Variants in F13A1 observed in about 807,000 individuals in gnomAD.
F13A1 encodes FSF, A subunit.
A neutral mutation model predicts 80.1 loss-of-function variants in F13A1; 47 were observed. The observed-to-expected ratio is 0.59, with a 90% CI of 0.46 to 0.75. The LOEUF (loss-of-function observed/expected upper bound fraction) is 0.75. F13A1 is among the 30% of genes least tolerant of loss of function. The probability of loss-of-function intolerance (pLI) is 0.00; values close to 1 mark genes in which losing one functional copy is unlikely to be tolerated. For missense variants in F13A1, 817 were observed against 930.4 expected, an observed-to-expected ratio of 0.88 and a Z score of 1.59; for synonymous variants, 349 against 344.9, an observed-to-expected ratio of 1.01 and a Z score of -0.13.
chr6:6,284,421 T>A (rs1203963907), intron 3 of F13A1, among the ~76,000 whole-genome samples: 1 of 152,226 alleles, frequency 6.6e-6, no homozygotes, highest in Non-Finnish European at 1.5e-5. Flanking sequence ...CTCCACTACT[T>A]CATTTCCGTC....
At chr6:6,263,731 T>C (rs1188078378) in intron 4 of F13A1, among the ~76,000 whole-genome samples, 2 of 152,232 alleles carry the variant, frequency 1.3e-5, no homozygotes, top group Admixed American at 1.3e-4. Flanking sequence ...CCCACAGTTT[T>C]CCCAGCTCTG....
chr6:6,197,395 G>T, intron 8 of F13A1, 69 bp from the exon 9 acceptor site: 2 of 1,471,796 alleles, frequency 1.4e-6, no homozygotes, highest in Non-Finnish European at 1.9e-6. Context: ...ATCAAGAAGT[G>T]ACGGCCAGGC....
intron 6 of F13A1, among the ~76,000 whole-genome samples, chr6:6,245,690 C>T (rs1332442856): frequency 6.6e-6 from 1 of 152,156 alleles, no homozygotes; most frequent in African/African-American, 2.4e-5. Flanking sequence ...GTCGTGTGCT[C>T]TGCATCTTGT....
At chr6:6,249,587 C>A (rs3024386) in intron 5 of F13A1, among the ~76,000 whole-genome samples, 112 of 152,274 alleles carry the variant, frequency 7.4e-4, no homozygotes, top group African/African-American at 2.6e-3. Context: ...GCGAAGAGTG[C>A]CCTGACTGGG....
intron 12 of F13A1, among the ~76,000 whole-genome samples, chr6:6,174,070 C>T (rs2151074798): frequency 6.6e-6 from 1 of 152,298 alleles, no homozygotes; most frequent in South Asian, 2.1e-4. Context: ...ATGTTCACTT[C>T]TGTGCATGAG....
At chr6:6,296,817 CT>C (rs1350988475) in intron 3 of F13A1, among the ~76,000 whole-genome samples, 6 of 147,450 alleles carry the variant, frequency 4.1e-5, no homozygotes, top group African/African-American at 1.3e-4. Context: ...GCATCCCTGT[CT>C]TGTGCCAGTT....
intron 10 of F13A1, among the ~76,000 whole-genome samples, chr6:6,190,330 CTG>C: frequency 2.6e-5 from 4 of 152,348 alleles, no homozygotes; most frequent in Admixed American, 2.6e-4. Context: ...TTTTTCTGCT[CTG>C]TTTTTTCCCC....
chr6:6,297,305 T>C (rs1758345257), intron 3 of F13A1, among the ~76,000 whole-genome samples: 1 of 152,188 alleles, frequency 6.6e-6, no homozygotes, highest in South Asian at 2.1e-4. Context: ...TTGATTGGAA[T>C]AGTTTCAGAA....
Position 6,156,783 on chromosome 6 carries a change from T to C in F13A1, c.1909-4834A>G, listed in dbSNP as rs558461497. Among the ~76,000 whole-genome samples the C allele has an allele frequency of 1.5e-3, 236 of 152,336 alleles. 1 individual carries two copies. The highest frequency in any genetic ancestry group is 5.3e-3 in the African/African-American group (222 of 41,562). On this transcript the variant is annotated intron_variant, in intron 13 of 14. Transcript: ENST00000264870. ...CTAGGGCTATTTATAATTAAATTAATTAAAATTAAGTGAAATGTAAAAAAT... is the reference window on the plus strand; with the variant it reads ...CTAGGGCTATTTATAATTAAATTAACTAAAATTAAGTGAAATGTAAAAAAT...
At chr6:6,215,755 C>T (rs9504713) in intron 8 of F13A1, among the ~76,000 whole-genome samples, 188 of 116,932 alleles carry the variant, frequency 1.6e-3, no homozygotes, top group African/African-American at 3.1e-3. Context: ...TGTTTGCAGA[C>T]GACATGATTG....
chr6:6,184,668 T>G (rs1761045645), intron 10 of F13A1, among the ~76,000 whole-genome samples: 1 of 152,186 alleles, frequency 6.6e-6, no homozygotes, highest in Non-Finnish European at 1.5e-5. Context: ...GATAAATAAC[T>G]TCTTAATAAC....
At chr6:6,196,407 A>G (rs1761291784) in intron 9 of F13A1, among the ~76,000 whole-genome samples, 1 of 152,222 alleles carries the variant, frequency 6.6e-6, no homozygotes, top group East Asian at 1.9e-4. Context: ...TTTAAATTTT[A>G]ACCACCTATC....
At chr6:6,197,938 G>C (rs3024431) in intron 8 of F13A1, among the ~76,000 whole-genome samples, 101 of 85,422 alleles carry the variant, frequency 1.2e-3, no homozygotes, top group African/African-American at 7.5e-3. Context: ...ATTTTCTGCT[G>C]ACTAACGAAA....
chr6:6,256,517 C>A (rs1280492448), intron 4 of F13A1, among the ~76,000 whole-genome samples: 1 of 152,120 alleles, frequency 6.6e-6, no homozygotes, highest in Non-Finnish European at 1.5e-5. Context: ...AATAACCACC[C>A]TTGCAGGCTG....
chr6:6,279,388 A>G (rs1362806818), intron 3 of F13A1, among the ~76,000 whole-genome samples: 26 of 152,186 alleles, frequency 1.7e-4, no homozygotes, highest in Admixed American at 1.7e-3. Context: ...ACAGTTATAA[A>G]CCAAACTGCA....
At chr6:6,313,279 C>CTTTTTTTTTTTTTTT (rs1331326098) in intron 2 of F13A1, among the ~76,000 whole-genome samples, 1 of 100,350 alleles carries the variant, frequency 1.0e-5, no homozygotes, top group African/African-American at 4.4e-5. Flanking sequence ...TGCTAAGCCG[C>CTTTTTTTTTTTTTTT]CTTTTTTTTT....
rs1305653427 is a variant in F13A1, at chr6:6,299,422, A to G, written c.319+5929T>C. Among the ~76,000 whole-genome samples, 4 of 133,234 alleles carry G rather than the reference A, an allele frequency of 3.0e-5. No individual in the cohort carries two copies. The East Asian group carries it at 8.2e-4, about 27-fold the overall frequency. The allele number at this position is 133,234 out of a possible 152,430, so 87.4% of individuals were successfully genotyped here. On this transcript the variant is annotated intron_variant, in intron 3 of 14. Coordinates refer to ENST00000264870, the MANE Select transcript of F13A1 (RefSeq NM_000129.4). ...AGATTTGGTCTTTTCACATAGTCCCATATTTCTTAGAGGCTTTGCTCATTT... is the reference window on the plus strand; with the variant it reads ...AGATTTGGTCTTTTCACATAGTCCCGTATTTCTTAGAGGCTTTGCTCATTT...
rs1318599717 is a variant in F13A1, at chr6:6,145,761, G to A, written c.2057C>T (p.Pro686Leu). Residue 686 changes from proline to leucine, a missense_variant, in exon 15 of 15, where the codon CCC becomes CTC. Physicochemically the swap from Pro to Leu is moderately conservative, Grantham distance 98. Transcript: ENST00000264870. ...TTCTTCCCACTGCACGGTGGAGTTG[G>A]GCCGGATTTCACTGAAAGGATGGAA... Reference protein sequence around the residue: ...PMKKMFREIRPNSTVQWEEVC... With the variant: ...PMKKMFREIRLNSTVQWEEVC... The A allele has an allele frequency of 9.3e-6, 15 of 1,614,082 alleles. No individual in the cohort carries two copies. The highest frequency in any genetic ancestry group is 1.3e-5 in the Non-Finnish European group (15 of 1,179,984).
At chr6:6,167,665 G>T in intron 12 of F13A1, 47 bp from the exon 13 acceptor site, 1 of 1,604,202 alleles carries the variant, frequency 6.2e-7, no homozygotes, top group South Asian at 1.1e-5. Flanking sequence ...ACTTGAGACA[G>T]GGTCTGCTTT....
Sources: gnomAD v4.1 joint callset for allele counts (sites outside exome capture counted in the v4.1 genomes callset) on GRCh38, gnomAD v4.1.1 for gene constraint, MANE v1.5 for transcripts, NCBI Gene and HGNC (gene_info 2026-07-23, HGNC 2026-07-21) for gene names.